HAP1: variants seen among roughly 807,000 people sequenced by gnomAD.
HAP1 encodes huntingtin-associated protein 1.
HAP1 carries 59 observed loss-of-function variants against 60.3 expected under a neutral mutation model. The ratio of observed to expected loss-of-function variants is 0.98; its 90% confidence interval spans 0.79 to 1.22. HAP1 has a LOEUF of 1.22. Ranked by LOEUF, HAP1 falls within the 50% of genes most tolerant of loss-of-function variation. The probability of loss-of-function intolerance (pLI) is 0.00; values close to 1 mark genes in which losing one functional copy is unlikely to be tolerated. For missense variants in HAP1, 825 were observed against 785.3 expected (o/e 1.05, Z -0.60); for synonymous variants, 346 against 330.6 (o/e 1.05, Z -0.50).
At position 41,734,592 on chromosome 17, in the gene HAP1, G is replaced by A. The variant is rs781823574; in HGVS notation, c.43C>T (p.Leu15Phe). ...RLGRCCAGSR[L>F]GPGDPAALTC... ...AGTGCTGCTGGGTCCCCGGGTCCGA[G>A]CCGGCTCCCCGCGCAGCACCGGCCC... Residue 15 changes from leucine to phenylalanine, a missense_variant, in exon 1 of 11, where the codon CTC (leucine) becomes TTC (phenylalanine). Coordinates refer to ENST00000347901, the MANE Select transcript of HAP1 (RefSeq NM_177977.3). 7 of 1,578,330 alleles carry A rather than the reference G, an allele frequency of 4.4e-6. No homozygotes were observed. Among genetic ancestry groups the A allele is most frequent in the Non-Finnish European group, 6.0e-6 (7 of 1,163,202 alleles).
chr17:41,720,702 C>G (rs940188900), downstream of HAP1: 10 of 152,150 alleles, frequency 6.6e-5, no homozygotes, highest in Admixed American at 6.5e-4. Flanking sequence ...CAGTTAAATG[C>G]CTCCAGAAGC....
At position 41,724,642 on chromosome 17, in the gene HAP1, A is replaced by C. The variant is rs577955715; in HGVS notation, c.*59T>G. The C allele has an allele frequency of 7.9e-7, 1 of 1,263,038 alleles. No homozygotes were observed. The highest frequency in any genetic ancestry group is 1.5e-5 in the African/African-American group (1 of 67,708). 78.2% of individuals were successfully genotyped at this position (1,263,038 alleles called of 1,614,324 possible). A position where few individuals can be genotyped will look rare whatever the true frequency, so the allele number is the denominator to read the frequency against. ...ATGCAAAGTCCATGCAAATAAGCAC[A>C]GCAGGTAGAGCCAGGCTGGGGCAGG... On this transcript the variant is annotated 3_prime_UTR_variant, in exon 11 of 11. Coordinates refer to ENST00000347901, the MANE Select transcript of HAP1 (RefSeq NM_177977.3).
intron 1 of HAP1, 136 bp downstream of exon 1, chr17:41,734,030 C>T: frequency 4.5e-6 from 3 of 660,104 alleles, no homozygotes; most frequent in Non-Finnish European, 7.6e-6. Context: ...ACAGACACCG[C>T]AGTGACATCG....
chr17:41,718,219 G>A (rs1250309064), downstream of HAP1: 4 of 269,216 alleles, frequency 1.5e-5, no homozygotes, highest in Non-Finnish European at 2.4e-5. Context: ...GCACGGTGGG[G>A]CCTGGTTAGT....
At chr17:41,721,734 T>A (rs897128303), downstream of HAP1, 3 of 149,682 alleles carry the variant, frequency 2.0e-5, no homozygotes, top group African/African-American at 7.4e-5. Context: ...GCCCAGCTAA[T>A]TTTTTTTGTA....
At chr17:41,725,757 G>A (rs968678965) in intron 10 of HAP1, 102 bp downstream of exon 10, 6 of 860,922 alleles carry the variant, frequency 7.0e-6, no homozygotes, top group African/African-American at 6.6e-5. Context: ...CGAGATAGCA[G>A]GGCCTTCTCC....
At position 41,724,888 on chromosome 17, in the gene HAP1, GATGTCACC is replaced by G. The variant is rs1555588295; in HGVS notation, c.1665_1672del (p.Val556SerfsTer42). 2 of 1,613,024 alleles carry G rather than the reference GATGTCACC, an allele frequency of 1.2e-6. No individual in the cohort carries two copies. The highest frequency in any genetic ancestry group is 2.2e-5 in the South Asian group (2 of 91,084). On this transcript the variant is annotated frameshift_variant, in exon 11 of 11. Transcript: ENST00000347901. LOFTEE classifies it high-confidence loss of function. ...GCCCAAGCCGCTGGCCTCCAGGGCT[GATGTCACC>G]ACGTTCATCCGCGTTGCCTCATCCA...
At position 41,724,821 on chromosome 17, in the gene HAP1, G is replaced by T. The variant is rs1227415433; in HGVS notation, c.1740C>A (p.Ala580=). ...LDMNYVLQQL[A]NWQDAHYRRQ... is the part of the protein sequence containing the mutation. ...GCCTGTAATGGGCATCTTGCCAGTT[G>T]GCCAGCTGCTGGAGGACATAATTCA... Residue 580 remains alanine (A), a synonymous_variant, in exon 11 of 11, where the codon GCC becomes GCA. Coordinates refer to ENST00000347901, the MANE Select transcript of HAP1 (RefSeq NM_177977.3). 1 of 1,613,046 alleles carries T rather than the reference G, an allele frequency of 6.2e-7. No individual in the cohort carries two copies. Among genetic ancestry groups the T allele is most frequent in the African/African-American group, 1.3e-5 (1 of 74,932 alleles).
chr17:41,727,007 G>T, intron 9 of HAP1, 46 bp downstream of exon 9: 1 of 987,788 alleles, frequency 1.0e-6, no homozygotes, highest in Non-Finnish European at 1.6e-6. Context: ...CCCCACTACA[G>T]GAAAGGCCAT....
In HAP1 at chr17:41,724,991, C is replaced by T; in HGVS notation, c.1570G>A (p.Glu524Lys). 1.2e-6 allele frequency: 2 copies of T among 1,612,790 alleles called. No homozygotes were observed. Among genetic ancestry groups the T allele is most frequent in the South Asian group, 2.2e-5 (2 of 91,088 alleles). ...AGCTCTGCCTCTTCCATCACCCCTT[C>T]CTCAGCCGGCACCTTCTTGGCAGCC... ...LGAAKKVPAE[E>K]GVMEEAELVS... The change falls in exon 11 of 11, where the codon GAA becomes AAA. Residue 524 changes from glutamate (E) to lysine (K), a missense_variant. By Grantham distance (56) the Glu-to-Lys change is moderately conservative. Coordinates refer to ENST00000347901, the MANE Select transcript of HAP1 (RefSeq NM_177977.3).
Position 41,732,721 on chromosome 17 carries a change from C to T in HAP1, c.547G>A (p.Glu183Lys), listed in dbSNP as rs1555591432. The change falls in exon 2 of 11, where the codon GAG becomes AAG. Residue 183 changes from glutamate (E) to lysine (K), a missense_variant and splice_region_variant. Physicochemically the swap from Glu to Lys is moderately conservative, Grantham distance 56 (BLOSUM62 1). Coordinates refer to ENST00000347901, the MANE Select transcript of HAP1 (RefSeq NM_177977.3). ...TGGATCAGGAAGGCAGTACACACCT[C>T]CTCCAGCAAATATAACATCACTTTG... ...DVKVMLYLLE[E>K]LLPPVWESVT... 3 of 1,609,274 alleles carry T rather than the reference C, an allele frequency of 1.9e-6. No homozygotes were observed. Among genetic ancestry groups the T allele is most frequent in the Admixed American group, 1.7e-5 (1 of 59,986 alleles).
downstream of HAP1, chr17:41,718,173 T>C (rs1312322216): frequency 3.2e-6 from 1 of 312,574 alleles, no homozygotes; most frequent in Non-Finnish European, 7.0e-6. Flanking sequence ...CATACCACCC[T>C]GAACGCGCCC....
intron 1 of HAP1, among the ~76,000 whole-genome samples, chr17:41,733,093 C>A (rs1241286099): frequency 1.5e-5 from 2 of 131,696 alleles, no homozygotes; most frequent in Non-Finnish European, 3.1e-5. Context: ...CTCTTGTCCT[C>A]CAGGCTGGAG....
rs2143256178 is a variant in HAP1 at position 41,732,109 on chromosome 17, G to A, written c.724C>T (p.Leu242Phe). 6.2e-7 allele frequency: 1 copy of A among 1,613,874 alleles called. No homozygotes were observed. The highest frequency in any genetic ancestry group is 8.5e-7 in the Non-Finnish European group (1 of 1,179,832). ...LGSAKEEILY[L>F]RHQVNLRDEL... ...TCCCGCAAGTTCACCTGGTGTCTGA[G>A]GTATAAAATCTGGCAGGAAGAGAGA... Residue 242 changes from leucine (L) to phenylalanine (F), a missense_variant, in exon 4 of 11, where the codon CTC becomes TTC. Coordinates refer to ENST00000347901, the MANE Select transcript of HAP1 (RefSeq NM_177977.3).
Position 41,724,421 on chromosome 17 carries a change from T to C in HAP1, c.*280A>G. ...GCCTGGGGGATAGAGGAGGCAGGGG[T>C]TGGGGGCAGGGGAAGCAAGCGGGCA... On this transcript the variant is annotated 3_prime_UTR_variant, in exon 11 of 11. Transcript: ENST00000347901. 2.9e-6 allele frequency: 1 copy of C among 346,378 alleles called. No homozygotes were observed. Among genetic ancestry groups the C allele is most frequent in the Non-Finnish European group, 5.3e-6 (1 of 188,922 alleles). 21.5% of individuals were successfully genotyped at this position (346,378 alleles called of 1,614,324 possible).
intron 6 of HAP1, among the ~76,000 whole-genome samples, chr17:41,729,043 C>T (rs981830952): frequency 1.3e-5 from 2 of 151,992 alleles, no homozygotes; most frequent in African/African-American, 2.4e-5. Flanking sequence ...CGAGTCCAAG[C>T]GATTTTCCTG....
chr17:41,728,231 CTGGG>C lies in HAP1; in HGVS notation c.1166_1169del (p.Ala389GlyfsTer3). The C allele has an allele frequency of 2.5e-6, 4 of 1,613,142 alleles. No homozygotes were observed. The highest frequency in any genetic ancestry group is 3.4e-6 in the Non-Finnish European group (4 of 1,180,034). ...GGCAGCGCTGCTGCAGCTTCAGCAC[CTGGG>C]CCTGCAGCCGAGCGACCTCCTGCTG... On this transcript the variant is annotated frameshift_variant, in exon 7 of 11. Transcript: ENST00000347901. LOFTEE classifies it high-confidence loss of function.
intron 3 of HAP1, 45 bp from the exon 4 acceptor site, chr17:41,732,163 C>T: frequency 6.2e-7 from 1 of 1,610,320 alleles, no homozygotes; most frequent in Non-Finnish European, 8.5e-7. Flanking sequence ...TGGGCAGGGA[C>T]AGGAGAGGGT....
In HAP1 at chr17:41,730,127, A is replaced by AAG. The variant is rs61024958; in HGVS notation, c.1069+1365_1069+1366insCT. 2.0e-3 allele frequency: 12 copies of AAG among 6,112 alleles called. 6 individuals carry two copies. Among genetic ancestry groups the AAG allele is most frequent in the East Asian group, 0.014 (2 of 146 alleles). The allele number at this position is 6,112 out of a possible 1,614,324, so 0.4% of individuals were successfully genotyped here. A position where few individuals can be genotyped will look rare whatever the true frequency, so the allele number is the denominator to read the frequency against. On this transcript the variant is annotated intron_variant, in intron 6 of 10. Coordinates refer to ENST00000347901, the MANE Select transcript of HAP1 (RefSeq NM_177977.3). The stretch of plus-strand genomic sequence containing the variant: ...AGAAAAGAAAAGAAAGAAAGAAAGA[A>AAG]AAAATGAGGTCTTGCCAGGTTCCCA...
Sources: gnomAD v4.1 joint callset for allele counts (sites outside exome capture counted in the v4.1 genomes callset) on GRCh38, gnomAD v4.1.1 for gene constraint, MANE v1.5 for transcripts, NCBI Gene and HGNC (gene_info 2026-07-23, HGNC 2026-07-21) for gene names.